Variants in CRYAB observed in about 807,000 individuals in gnomAD.
CRYAB encodes alpha-crystallin B chain.
In CRYAB, 9 loss-of-function variants were observed where a neutral mutation model predicts 12.7. That is an observed-to-expected ratio of 0.71 (90% CI 0.43 to 1.24). The LOEUF (loss-of-function observed/expected upper bound fraction) is 1.24, where lower values mean the gene tolerates loss of function less well. Among genes scored for constraint, CRYAB ranks in the 50% most tolerant of loss-of-function variants. CRYAB has a pLI of 0.00. For missense variants in CRYAB, 183 were observed against 226.6 expected, an observed-to-expected ratio of 0.81 and a Z score of 1.24; for synonymous variants, 93 against 86.8, an observed-to-expected ratio of 1.07 and a Z score of -0.40.
At chr11:111,912,940 A>G, upstream of CRYAB, 1 of 1,383,064 alleles carries the variant, frequency 7.2e-7, no homozygotes, top group African/African-American at 1.7e-5. Context: ...CACAGACACC[A>G]CCCCCTTGCC....
chr11:111,913,287 TC>T (rs1965530565), upstream of CRYAB: 3 of 671,286 alleles, frequency 4.5e-6, no homozygotes, highest in Non-Finnish European at 7.9e-6. Context: ...AGCTGCCTTC[TC>T]CTCCTAGCTA....
At chr11:111,913,334 A>T, upstream of CRYAB, 1 of 830,988 alleles carries the variant, frequency 1.2e-6, no homozygotes, top group Non-Finnish European at 1.9e-6. Context: ...ACTCCTCCTG[A>T]CTCCCCTCTT....
upstream of CRYAB, among the ~76,000 whole-genome samples, chr11:111,914,508 G>A (rs901392514): frequency 3.3e-5 from 5 of 152,180 alleles, no homozygotes; most frequent in South Asian, 1.0e-3. Context: ...ACTAAGGTCT[G>A]TCCACTTAAA....
chr11:111,913,839 C>T (rs1555165918), upstream of CRYAB: 5 of 1,613,872 alleles, frequency 3.1e-6, no homozygotes, highest in Admixed American at 5.0e-5. Context: ...CATCTCCCTG[C>T]TCCCTGCGCC....
upstream of CRYAB, chr11:111,911,859 A>G (rs1286869421): frequency 1.5e-6 from 1 of 664,536 alleles, no homozygotes; most frequent in African/African-American, 1.8e-5. Flanking sequence ...CTAGCTCACC[A>G]GCAGTTCATG....
At chr11:111,918,946 G>C in intron 1 of CRYAB, 1 of 1,614,134 alleles carries the variant, frequency 6.2e-7, no homozygotes. Context: ...CATAAAAACA[G>C]CTGGGCTCCC....
chr11:111,921,629 G>T (rs146972792), intron 1 of CRYAB, among the ~76,000 whole-genome samples: 390 of 152,282 alleles, frequency 2.6e-3, no homozygotes, highest in African/African-American at 8.8e-3. Context: ...TCTAGAGAAG[G>T]AGATGTAACA....
chr11:111,909,511 C>T (rs1441668330), intron 2 of CRYAB, among the ~76,000 whole-genome samples: 2 of 152,150 alleles, frequency 1.3e-5, no homozygotes, highest in Admixed American at 6.5e-5. Flanking sequence ...TCTGAGCTAT[C>T]GTTAAATGGT....
upstream of CRYAB, chr11:111,913,676 C>A: frequency 6.2e-7 from 1 of 1,614,188 alleles, no homozygotes. Flanking sequence ...TGGACCGCCA[C>A]GGCTTCGTGT....
In CRYAB at chr11:111,923,619, G is replaced by A. The variant is rs144513802; in HGVS notation, c.-199+84C>T. 651 of 152,282 alleles carry A rather than the reference G, an allele frequency of 4.3e-3. 4 individuals carry two copies. Among genetic ancestry groups the A allele is most frequent in the Middle Eastern group, 6.8e-3 (2 of 294 alleles). 9.4% of individuals were successfully genotyped at this position (152,282 alleles called of 1,614,324 possible). On this transcript the variant is annotated intron_variant, in intron 1 of 3. Coordinates refer to the CRYAB transcript ENST00000527950. Reference sequence around the variant, plus strand: ...ACAGTTAACAATCACGTAGACACACGGGCGCCATTGGGGACCCCAGGGGCT... The same window carrying A: ...ACAGTTAACAATCACGTAGACACACAGGCGCCATTGGGGACCCCAGGGGCT...
intron 1 of CRYAB, chr11:111,919,188 C>A: frequency 4.3e-6 from 3 of 701,242 alleles, no homozygotes; most frequent in Non-Finnish European, 4.8e-6. Flanking sequence ...AAGACAGAGC[C>A]AAGTGGCTGG....
chr11:111,914,555 A>G (rs1326202482), upstream of CRYAB, among the ~76,000 whole-genome samples: 1 of 152,182 alleles, frequency 6.6e-6, no homozygotes, highest in Non-Finnish European at 1.5e-5. Flanking sequence ...ATGCATACAC[A>G]GGGCACAGAC....
chr11:111,917,535 C>A (rs183419031), upstream of CRYAB, among the ~76,000 whole-genome samples: 1 of 151,706 alleles, frequency 6.6e-6, no homozygotes, highest in Non-Finnish European at 1.5e-5. Context: ...AGGTGTGGTG[C>A]CTCACACCTG....
Position 111,910,464 on chromosome 11 carries a change from G to A in CRYAB, c.202-15C>T. On this transcript the variant is annotated splice_polypyrimidine_tract_variant and intron_variant, in intron 1 of 2. Transcript: ENST00000650687. ...TCCAGGCGCATCTAGAAATAGCAAG[G>A]TAAGGGAATGGGATGGGAGAAAGAG... The A allele has an allele frequency of 6.2e-7, 1 of 1,614,160 alleles. No individual in the cohort carries two copies. Among genetic ancestry groups the A allele is most frequent in the African/African-American group, 1.3e-5 (1 of 75,052 alleles).
chr11:111,911,778 G>A, upstream of CRYAB: 1 of 1,209,240 alleles, frequency 8.3e-7, no homozygotes, highest in East Asian at 2.5e-5. Flanking sequence ...TTCAGCTGCA[G>A]CTACAGCCAG....
upstream of CRYAB, chr11:111,912,191 A>T: frequency 4.6e-6 from 1 of 216,264 alleles, no homozygotes; most frequent in South Asian, 8.4e-5. Context: ...GAATCTTCCT[A>T]GGCTGAGCCC....
At chr11:111,912,794 G>T, upstream of CRYAB, 6 of 1,533,368 alleles carry the variant, frequency 3.9e-6, no homozygotes, top group Non-Finnish European at 3.6e-6. Context: ...TGTTGGGGCT[G>T]CACCTCGGAC....
chr11:111,909,318 A>C, intron 2 of CRYAB: 1 of 454,924 alleles, frequency 2.2e-6, no homozygotes, highest in South Asian at 1.6e-5. Flanking sequence ...AAGCCCTGAA[A>C]TTGTCCTGAC....
chr11:111,913,865 A>G, upstream of CRYAB: 1 of 1,612,240 alleles, frequency 6.2e-7, no homozygotes, highest in Non-Finnish European at 8.5e-7. Flanking sequence ...ATCCAGAGGA[A>G]GAGGAGGAGG....
Sources: gnomAD v4.1 joint callset for allele counts (sites outside exome capture counted in the v4.1 genomes callset) on GRCh38, gnomAD v4.1.1 for gene constraint, MANE v1.5 for transcripts, NCBI Gene and HGNC (gene_info 2026-07-23, HGNC 2026-07-21) for gene names.